Variants in JAZF1 observed in about 807,000 individuals in gnomAD.
JAZF1 encodes juxtaposed with another zinc finger protein 1.
JAZF1 carries 8 observed loss-of-function variants against 26.4 expected under a neutral mutation model. That is an observed-to-expected ratio of 0.30 (90% CI 0.18 to 0.55). The LOEUF (loss-of-function observed/expected upper bound fraction) is 0.55. Ranked by LOEUF, JAZF1 falls within the 20% of genes least tolerant of loss-of-function variation. JAZF1 has a pLI of 0.94. For synonymous variants in JAZF1, 126 were observed against 122.3 expected (o/e 1.03, Z -0.20); for missense variants, 199 against 322.0 (o/e 0.62, Z 2.92).
At chr7:27,908,366 G>A (rs1361613570) in intron 2 of JAZF1, among the ~76,000 whole-genome samples, 2 of 152,204 alleles carry the variant, frequency 1.3e-5, no homozygotes, top group African/African-American at 4.8e-5. Context: ...TTTCCAGCAT[G>A]GGCTGTTCTG....
intron 3 of JAZF1, chr7:27,842,213 CTG>C (rs1249189164): frequency 4.6e-5 from 7 of 152,348 alleles, no homozygotes; most frequent in South Asian, 2.1e-4. Flanking sequence ...CAGGCACACT[CTG>C]TGCATTATCT....
intron 2 of JAZF1, among the ~76,000 whole-genome samples, chr7:27,933,621 G>C (rs1246404638): frequency 6.6e-6 from 1 of 152,118 alleles, no homozygotes; most frequent in Non-Finnish European, 1.5e-5. Context: ...GCCATATTTG[G>C]CTAAATATTC....
At chr7:28,126,817 G>A (rs1461874261) in intron 1 of JAZF1, among the ~76,000 whole-genome samples, 1 of 152,120 alleles carries the variant, frequency 6.6e-6, no homozygotes, top group Non-Finnish European at 1.5e-5. Context: ...AAACAAGAAG[G>A]GAGGAGAGAG....
chr7:27,913,478 CAA>C (rs748864952), intron 2 of JAZF1: 1 of 389,806 alleles, frequency 2.6e-6, no homozygotes, highest in South Asian at 1.9e-5. Flanking sequence ...GGGTGGGGAA[CAA>C]AGAGACCCCA....
intron 2 of JAZF1, among the ~76,000 whole-genome samples, chr7:27,961,029 C>T (rs1485415276): frequency 6.6e-6 from 1 of 152,212 alleles, no homozygotes; most frequent in African/African-American, 2.4e-5. Context: ...AATGGAAACA[C>T]AGCATTTGAG....
At chr7:27,912,028 C>G (rs1784366917) in intron 2 of JAZF1, among the ~76,000 whole-genome samples, 1 of 152,178 alleles carries the variant, frequency 6.6e-6, no homozygotes, top group South Asian at 2.1e-4. Flanking sequence ...AAAGGCATAG[C>G]ATTTATATCT....
At chr7:27,901,113 C>G (rs151018398) in intron 2 of JAZF1, among the ~76,000 whole-genome samples, 1 of 152,206 alleles carries the variant, frequency 6.6e-6, no homozygotes, top group African/African-American at 2.4e-5. Context: ...GAGACTCTTT[C>G]ACTCACTGTT....
intron 3 of JAZF1, among the ~76,000 whole-genome samples, chr7:27,850,929 C>T (rs535867989): frequency 1.1e-4 from 17 of 151,552 alleles, no homozygotes; most frequent in Non-Finnish European, 2.1e-4. Context: ...AATAATACAT[C>T]GGAATGAATT....
chr7:28,024,071 A>G (rs1301350939), intron 1 of JAZF1, among the ~76,000 whole-genome samples: 10 of 151,932 alleles, frequency 6.6e-5, no homozygotes, highest in Admixed American at 2.0e-4. Context: ...GGATTGCTTG[A>G]GGTCAGGACT....
rs191437334 is a variant in JAZF1, at chr7:27,951,566, T to C, written c.188+40343A>G. ...TTCAAGAATCCAGGTGTGTCCAGTT[T>C]TGTAAAATGAATTAGTTCATTCAGC... On this transcript the variant is annotated intron_variant, in intron 2 of 4. Coordinates refer to ENST00000283928, the MANE Select transcript of JAZF1 (RefSeq NM_175061.4). Among the ~76,000 whole-genome samples, 15 of 152,350 alleles carry C rather than the reference T, an allele frequency of 9.8e-5. No homozygotes were observed. In the East Asian group the frequency reaches 2.9e-3, roughly 29 times the overall value.
intron 1 of JAZF1, among the ~76,000 whole-genome samples, chr7:28,000,698 A>T (rs1786137665): frequency 6.8e-6 from 1 of 146,592 alleles, no homozygotes; most frequent in Admixed American, 6.9e-5. Flanking sequence ...AGCTCACTGC[A>T]ACCTCTGCCT....
chr7:28,146,572 G>A (rs1583584631), intron 1 of JAZF1, among the ~76,000 whole-genome samples: 1 of 152,152 alleles, frequency 6.6e-6, no homozygotes, highest in Non-Finnish European at 1.5e-5. Flanking sequence ...TACTTGATGA[G>A]GCAGAGTGAT....
At chr7:27,845,746 A>G (rs1298573760) in intron 3 of JAZF1, among the ~76,000 whole-genome samples, 1 of 151,744 alleles carries the variant, frequency 6.6e-6, no homozygotes, top group Non-Finnish European at 1.5e-5. Flanking sequence ...TTTTAAAAAA[A>G]TGTTAAGTGA....
intron 1 of JAZF1, among the ~76,000 whole-genome samples, chr7:28,162,513 C>T (rs894287058): frequency 2.6e-5 from 4 of 152,178 alleles, no homozygotes; most frequent in African/African-American, 4.8e-5. Flanking sequence ...CTAGAGTGAC[C>T]GCTCCTTGGG....
chr7:28,034,729 A>G (rs1783255412), intron 1 of JAZF1, among the ~76,000 whole-genome samples: 1 of 152,196 alleles, frequency 6.6e-6, no homozygotes, highest in African/African-American at 2.4e-5. Flanking sequence ...CTTTTGAATT[A>G]AAATGCCATA....
chr7:27,966,033 C>T (rs1457622320), intron 2 of JAZF1, among the ~76,000 whole-genome samples: 2 of 152,216 alleles, frequency 1.3e-5, no homozygotes, highest in Admixed American at 6.5e-5. Context: ...AATCTGAATT[C>T]TCCTTCCCCT....
chr7:28,121,820 T>A (rs77881693), intron 1 of JAZF1, among the ~76,000 whole-genome samples: 4,919 of 152,296 alleles, frequency 0.032, 236 homozygotes, highest in East Asian at 0.22. Context: ...AGCTTTCCCA[T>A]TATTCACAAT....
At chr7:27,969,183 A>G (rs935077357) in intron 2 of JAZF1, among the ~76,000 whole-genome samples, 1 of 152,188 alleles carries the variant, frequency 6.6e-6, no homozygotes, top group African/African-American at 2.4e-5. Flanking sequence ...TTTGAAATGA[A>G]AGAGTGAGTC....
chr7:27,916,006 G>A (rs1261224616), intron 2 of JAZF1, among the ~76,000 whole-genome samples: 1 of 152,066 alleles, frequency 6.6e-6, no homozygotes, highest in Non-Finnish European at 1.5e-5. Flanking sequence ...CCTGTACTTT[G>A]CTTGTTCCTT....
Sources: allele counts gnomAD v4.1 joint callset (sites outside exome capture counted in the v4.1 genomes callset), GRCh38; gene constraint gnomAD v4.1.1; transcripts MANE v1.5; gene names NCBI Gene and HGNC (gene_info 2026-07-23, HGNC 2026-07-21).